The following BLTP3B variants were observed in gnomAD, a reference collection of about 807,000 sequenced individuals.
The protein encoded by BLTP3B is UHRF1 (ICBP90) binding protein 1-like.
chr12:100,112,094 C>A, the BLTP3B span, among the ~76,000 whole-genome samples: 1 of 152,126 alleles, frequency 6.6e-6, no homozygotes, highest in Non-Finnish European at 1.5e-5. Flanking sequence ...CTATAACGAG[C>A]ATGTACCACT....
the BLTP3B span, among the ~76,000 whole-genome samples, chr12:100,038,378 C>T: frequency 3.3e-5 from 5 of 152,214 alleles, no homozygotes; most frequent in Middle Eastern, 3.4e-3. Flanking sequence ...TCTTGTTGCC[C>T]AGGCTGGAAT....
chr12:100,080,397 G>C, the BLTP3B span, among the ~76,000 whole-genome samples: 3 of 150,694 alleles, frequency 2.0e-5, no homozygotes, highest in Admixed American at 6.6e-5. Flanking sequence ...CTGTTGCCCA[G>C]GCTGGAGCAC....
the BLTP3B span, chr12:100,051,099 G>C: frequency 1.9e-6 from 3 of 1,613,732 alleles, no homozygotes; most frequent in Non-Finnish European, 2.5e-6. Context: ...TGATTTTCCT[G>C]AGCACCCTCT....
the BLTP3B span, among the ~76,000 whole-genome samples, chr12:100,122,819 C>T: frequency 6.6e-6 from 1 of 152,140 alleles, no homozygotes; most frequent in Admixed American, 6.5e-5. Flanking sequence ...CCCCAAAAGC[C>T]CTTGCACCAT....
the BLTP3B span, chr12:100,095,673 A>G: frequency 1.2e-6 from 2 of 1,608,052 alleles, no homozygotes; most frequent in East Asian, 2.2e-5. Context: ...TTACCTGTGT[A>G]GGTTCAGGAG....
At chr12:100,130,982 GGAGAGAGAGAGAGAGAGAGAGAGAGA>G in the BLTP3B span, among the ~76,000 whole-genome samples, 1 of 62,238 alleles carries the variant, frequency 1.6e-5, no homozygotes. Context: ...AGAGAGGGAG[GGAGAGAGAGAGAGAGAGAGAGAGAGA>G]GAGAGAGAGA....
chr12:100,070,180 CA>C, the BLTP3B span: 1 of 1,557,334 alleles, frequency 6.4e-7, no homozygotes, highest in Non-Finnish European at 8.7e-7. Context: ...CTGAGAGAAA[CA>C]AATGAGAAAC....
At chr12:100,103,984 T>C in the BLTP3B span, 1 of 1,538,480 alleles carries the variant, frequency 6.5e-7, no homozygotes. Flanking sequence ...TTAAGATCAA[T>C]CATTAAGAAG....
the BLTP3B span, among the ~76,000 whole-genome samples, chr12:100,112,872 A>C: frequency 6.6e-6 from 1 of 151,466 alleles, no homozygotes; most frequent in Non-Finnish European, 1.5e-5. Context: ...AAAAAAAAAA[A>C]AAAAAGAATC....
the BLTP3B span, among the ~76,000 whole-genome samples, chr12:100,064,303 AC>A: frequency 6.6e-6 from 1 of 152,208 alleles, no homozygotes; most frequent in Non-Finnish European, 1.5e-5. Flanking sequence ...AAACAACCAA[AC>A]CTAAGAATAA....
At chr12:100,086,550 G>A in the BLTP3B span, among the ~76,000 whole-genome samples, 6 of 152,186 alleles carry the variant, frequency 3.9e-5, no homozygotes, top group South Asian at 1.2e-3. Context: ...CATTTGTAAG[G>A]CACCAGGATA....
the BLTP3B span, among the ~76,000 whole-genome samples, chr12:100,085,120 A>T: frequency 6.6e-6 from 1 of 152,234 alleles, no homozygotes; most frequent in Non-Finnish European, 1.5e-5. Flanking sequence ...ACTTCTCAAG[A>T]TGTACTCAGC....
chr12:100,059,520 G>A, the BLTP3B span: 7 of 1,593,502 alleles, frequency 4.4e-6, no homozygotes, highest in Non-Finnish European at 6.0e-6. Flanking sequence ...TTTCACTTCA[G>A]AAGGAATGAC....
the BLTP3B span, among the ~76,000 whole-genome samples, chr12:100,097,886 T>A: frequency 1.9e-4 from 29 of 152,250 alleles, no homozygotes; most frequent in East Asian, 2.7e-3. Flanking sequence ...AGTAAAGACA[T>A]TAAAATGTGC....
the BLTP3B span, chr12:100,072,624 A>C: frequency 4.3e-6 from 6 of 1,405,974 alleles, no homozygotes; most frequent in Non-Finnish European, 5.7e-6. Flanking sequence ...AACAAGAAAA[A>C]AATACTTTCT....
the BLTP3B span, among the ~76,000 whole-genome samples, chr12:100,127,783 TG>T: frequency 6.6e-6 from 1 of 151,910 alleles, no homozygotes; most frequent in African/African-American, 2.4e-5. Context: ...GAGGCCTAGG[TG>T]GGGGGACTGC....
chr12:100,129,747 GC>G, the BLTP3B span, among the ~76,000 whole-genome samples: 1 of 152,112 alleles, frequency 6.6e-6, no homozygotes, highest in East Asian at 1.9e-4. Flanking sequence ...AGACAATCTG[GC>G]TGCAGGAATA....
the BLTP3B span, among the ~76,000 whole-genome samples, chr12:100,116,512 C>T: frequency 6.6e-6 from 1 of 150,874 alleles, no homozygotes; most frequent in African/African-American, 2.4e-5. Context: ...TCAATAGAGC[C>T]CAAAAAAGCA....
the BLTP3B span, among the ~76,000 whole-genome samples, chr12:100,105,569 A>C: frequency 6.6e-6 from 1 of 152,328 alleles, no homozygotes; most frequent in Non-Finnish European, 1.5e-5. Context: ...TAAATCTAAG[A>C]TCTGAAACCA....
Sources: gnomAD v4.1 joint callset for allele counts (sites outside exome capture counted in the v4.1 genomes callset) on GRCh38, gnomAD v4.1.1 for gene constraint, MANE v1.5 for transcripts, NCBI Gene and HGNC (gene_info 2026-07-23, HGNC 2026-07-21) for gene names.